The following DTNB variants were observed in gnomAD, a reference collection of about 807,000 sequenced individuals.
The protein encoded by DTNB is dystrobrevin beta.
A neutral mutation model predicts 90.7 loss-of-function variants in DTNB; 63 were observed. The observed-to-expected ratio is 0.69, with a 90% CI of 0.57 to 0.86. DTNB has a LOEUF of 0.86. DTNB is among the 40% of genes least tolerant of loss of function. DTNB has a pLI of 0.00. For missense variants in DTNB, 744 were observed against 807.1 expected (o/e 0.92, Z 0.95); for synonymous variants, 277 against 286.7 (o/e 0.97, Z 0.34).
intron 8 of DTNB, among the ~76,000 whole-genome samples, chr2:25,557,020 T>C (rs1362566814): frequency 1.3e-5 from 2 of 152,202 alleles, no homozygotes; most frequent in Non-Finnish European, 2.9e-5. Flanking sequence ...GTATTAGAAG[T>C]TGCTTCTCGA....
chr2:25,402,272 T>C (rs2043929569), intron 16 of DTNB, among the ~76,000 whole-genome samples: 1 of 151,996 alleles, frequency 6.6e-6, no homozygotes, highest in Non-Finnish European at 1.5e-5. Context: ...TTAAGACTAT[T>C]GGGAGTTAGG....
At chr2:25,569,218 C>T (rs1406542678) in intron 8 of DTNB, among the ~76,000 whole-genome samples, 2 of 152,176 alleles carry the variant, frequency 1.3e-5, no homozygotes, top group Non-Finnish European at 2.9e-5. Flanking sequence ...CAACCCTCTA[C>T]CCCATCCAAA....
At position 25,621,446 on chromosome 2, in the gene DTNB, C is replaced by CTT. The variant is rs35400547; in HGVS notation, c.362+6723_362+6724dup. 1.1e-3 allele frequency among the ~76,000 whole-genome samples: 149 copies of CTT among 132,668 alleles called. 2 individuals carry two copies. The highest frequency in any genetic ancestry group is 4.6e-3 in the South Asian group (19 of 4,146). The allele number at this position is 132,668 out of a possible 152,430, so 87.0% of individuals were successfully genotyped here. A position where few individuals can be genotyped will look rare whatever the true frequency, so the allele number is the denominator to read the frequency against. On this transcript the variant is annotated intron_variant, in intron 4 of 20. Transcript: ENST00000406818. ...GATTCAAATTAAACTGCTAAATCAA[C>CTT]TTTTTTTTTTTTTTTTTGAGACGGA...
At chr2:25,392,821 G>A (rs2041500786) in intron 16 of DTNB, among the ~76,000 whole-genome samples, 1 of 152,134 alleles carries the variant, frequency 6.6e-6, no homozygotes, top group African/African-American at 2.4e-5. Flanking sequence ...GACATTCAAA[G>A]AAGAATTGGT....
At chr2:25,627,905 T>A (rs1281004528) in intron 4 of DTNB, among the ~76,000 whole-genome samples, 1 of 151,850 alleles carries the variant, frequency 6.6e-6, no homozygotes, top group Non-Finnish European at 1.5e-5. Flanking sequence ...CCCGGCTAAT[T>A]TTTTGTATTT....
chr2:25,625,835 G>C (rs915091101), intron 4 of DTNB, among the ~76,000 whole-genome samples: 3 of 151,914 alleles, frequency 2.0e-5, no homozygotes, highest in Non-Finnish European at 4.4e-5. Flanking sequence ...TAACCCCCAA[G>C]GTACGGTATT....
rs200925663 is a variant in DTNB, at chr2:25,634,819, G to A, written c.148+4195C>T. The stretch of plus-strand genomic sequence containing the variant: ...ACTCAGGGTTAAATGGATTAAGGGC[G>A]GTGCAAGATGTGCTTTGTTAAACAG... On this transcript the variant is annotated intron_variant, in intron 3 of 20. Transcript: ENST00000406818. Among the ~76,000 whole-genome samples, 16 of 111,422 alleles carry A rather than the reference G, an allele frequency of 1.4e-4. 3 individuals carry two copies. The South Asian group carries it at 1.8e-3, about 13-fold the overall frequency. The allele number at this position is 111,422 out of a possible 152,430, so 73.1% of individuals were successfully genotyped here.
chr2:25,597,959 A>G (rs1301276045), intron 5 of DTNB, among the ~76,000 whole-genome samples: 1 of 152,220 alleles, frequency 6.6e-6, no homozygotes, highest in Non-Finnish European at 1.5e-5. Flanking sequence ...GCGCCACTTC[A>G]GTTAACTATG....
At chr2:25,627,871 A>G (rs545139020) in intron 4 of DTNB, among the ~76,000 whole-genome samples, 166 of 151,522 alleles carry the variant, frequency 1.1e-3, no homozygotes, top group Middle Eastern at 3.4e-3. Flanking sequence ...TAAGTAGCTG[A>G]GACTACAGGC....
At chr2:25,418,686 G>A (rs374787315) in intron 16 of DTNB, among the ~76,000 whole-genome samples, 25 of 148,890 alleles carry the variant, frequency 1.7e-4, no homozygotes, top group Non-Finnish European at 3.3e-4. Flanking sequence ...GAGACAGAGC[G>A]AGACACCGTC....
Position 25,455,439 on chromosome 2 carries a change from C to T in DTNB, c.1135G>A (p.Ala379Thr), listed in dbSNP as rs199516072. Residue 379 changes from alanine to threonine, a missense_variant, in exon 11 of 21, where the codon GCC (alanine) becomes ACC (threonine). Coordinates refer to ENST00000406818, the MANE Select transcript of DTNB (RefSeq NM_021907.5). ...TGCTGCAGACGGGCCACATAGGAGG[C>T]TATCAGCGCATGCTCATCGGCCAAG... ...SHLADEHALIASYVARLQHCA... is the reference protein window; with the variant it reads ...SHLADEHALITSYVARLQHCA... 1.5e-3 allele frequency: 2,355 copies of T among 1,605,710 alleles called. 46 individuals are homozygous for T. The South Asian group carries it at 0.022, about 15-fold the overall frequency.
chr2:25,564,632 C>T (rs554205643), intron 8 of DTNB, among the ~76,000 whole-genome samples: 1 of 152,174 alleles, frequency 6.6e-6, no homozygotes, highest in South Asian at 2.1e-4. Context: ...AAGTGACCCA[C>T]CCACCTGAGC....
chr2:25,654,508 C>T (rs538190532), intron 1 of DTNB, among the ~76,000 whole-genome samples: 22 of 152,222 alleles, frequency 1.4e-4, no homozygotes, highest in African/African-American at 3.1e-4. Context: ...GACCACGTAA[C>T]GAAATTTTAA....
intron 4 of DTNB, among the ~76,000 whole-genome samples, chr2:25,608,399 G>C (rs2067628258): frequency 6.6e-6 from 1 of 152,172 alleles, no homozygotes; most frequent in South Asian, 2.1e-4. Context: ...ATCAATATTT[G>C]TTACAGTTGA....
In DTNB at chr2:25,508,473, T is replaced by C. The variant is rs1225014764; in HGVS notation, c.1001+23000A>G. Among the ~76,000 whole-genome samples, 4 of 151,952 alleles carry C rather than the reference T, an allele frequency of 2.6e-5. No homozygotes were observed. In the East Asian group the frequency reaches 5.8e-4, roughly 22 times the overall value. On this transcript the variant is annotated intron_variant, in intron 9 of 20. Coordinates refer to ENST00000406818, the MANE Select transcript of DTNB (RefSeq NM_021907.5). ...TAAATATGGTATACCTCTTCATTTA[T>C]TTAGGGCTTTTAACATTTCTTTTTT...
intron 2 of DTNB, among the ~76,000 whole-genome samples, chr2:25,643,175 C>G (rs1031242344): frequency 6.6e-6 from 1 of 152,134 alleles, no homozygotes; most frequent in Non-Finnish European, 1.5e-5. Context: ...TCCAATCAGT[C>G]TGGACTGCAC....
intron 9 of DTNB, among the ~76,000 whole-genome samples, chr2:25,497,969 T>C (rs1374382403): frequency 6.6e-6 from 1 of 152,140 alleles, no homozygotes; most frequent in Non-Finnish European, 1.5e-5. Flanking sequence ...TCTCATCATG[T>C]CACCATTCTA....
chr2:25,615,231 C>T (rs1478541891), intron 4 of DTNB, among the ~76,000 whole-genome samples: 2 of 152,136 alleles, frequency 1.3e-5, no homozygotes, highest in East Asian at 3.8e-4. Context: ...CATGCCTTCC[C>T]GAGGTGTGCT....
chr2:25,473,785 G>A (rs868351376), intron 10 of DTNB, among the ~76,000 whole-genome samples: 1 of 152,164 alleles, frequency 6.6e-6, no homozygotes, highest in African/African-American at 2.4e-5. Flanking sequence ...ATCTGAAAAC[G>A]ATCCTCACTT....
Sources: allele counts gnomAD v4.1 joint callset (sites outside exome capture counted in the v4.1 genomes callset), GRCh38; gene constraint gnomAD v4.1.1; transcripts MANE v1.5; gene names NCBI Gene and HGNC (gene_info 2026-07-23, HGNC 2026-07-21).